The following CYP26C1 variants were observed in gnomAD, a reference collection of about 807,000 sequenced individuals.
The protein encoded by CYP26C1 is cytochrome P450 26C1.
A neutral mutation model predicts 39.1 loss-of-function variants in CYP26C1; 41 were observed. That is an observed-to-expected ratio of 1.05 (90% CI 0.82 to 1.36). The LOEUF is 1.36. CYP26C1 is among the 40% of genes most tolerant of loss of function. The pLI, the probability that CYP26C1 is intolerant of heterozygous loss-of-function variation, is 0.00. For synonymous variants in CYP26C1, 362 were observed against 350.8 expected, an observed-to-expected ratio of 1.03 and a Z score of -0.36; for missense variants, 833 against 752.0, an observed-to-expected ratio of 1.11 and a Z score of -1.26.
chr10:93,061,350 C>T lies in CYP26C1; in HGVS notation c.87C>T (p.Ala29=), dbSNP rs977077685. ...GCGCGGGCCTGCTGCTCAGCCTGGC[C>T]CAGCACCTCTGGACCCTCCGCTGGA... is the stretch of plus-strand genomic sequence containing the variant. The part of the protein sequence containing the change: ...LLCAGLLLSL[A]QHLWTLRWML... Residue 29 remains alanine, a synonymous_variant, in exon 1 of 6, where the codon GCC becomes GCT. Coordinates refer to ENST00000651965, the MANE Select transcript of CYP26C1 (RefSeq NM_183374.3). The T allele has an allele frequency of 1.3e-6, 2 of 1,585,868 alleles. No homozygotes were observed.
chr10:93,064,662 G>A (rs888263867), intron 4 of CYP26C1, 126 bp downstream of exon 4: 16 of 1,461,320 alleles, frequency 1.1e-5, no homozygotes, highest in East Asian at 4.9e-5. Flanking sequence ...TCCTCAAGAT[G>A]AGGGGCAAGA....
Position 93,068,750 on chromosome 10 carries a change from C to G in CYP26C1, c.*53C>G. On this transcript the variant is annotated 3_prime_UTR_variant, in exon 6 of 6. Coordinates refer to ENST00000651965, the MANE Select transcript of CYP26C1 (RefSeq NM_183374.3). The stretch of plus-strand genomic sequence containing the variant: ...GCCGGTGGCTATGGCGCGCACGCAG[C>G]GCCACCCATCTGCCGCTCCCCATTG... 6.9e-7 allele frequency: 1 copy of G among 1,459,744 alleles called. No individual in the cohort carries two copies. The highest frequency in any genetic ancestry group is 9.0e-7 in the Non-Finnish European group (1 of 1,107,432). 90.4% of individuals were successfully genotyped at this position (1,459,744 alleles called of 1,614,324 possible). A position where few individuals can be genotyped will look rare whatever the true frequency, so the allele number is the denominator to read the frequency against.
chr10:93,061,515 C>G, intron 1 of CYP26C1, 48 bp downstream of exon 1: 1 of 1,541,694 alleles, frequency 6.5e-7, no homozygotes, highest in Non-Finnish European at 8.8e-7. Context: ...CTTCTTCCCC[C>G]GGCTCCCACT....
intron 5 of CYP26C1, among the ~76,000 whole-genome samples, chr10:93,067,218 C>T (rs1007923347): frequency 2.6e-4 from 40 of 152,364 alleles, no homozygotes; most frequent in African/African-American, 8.7e-4. Flanking sequence ...CTGACAGCCT[C>T]ATCCCACTTG....
chr10:93,068,321 G>A lies in CYP26C1; in HGVS notation c.1193G>A (p.Gly398Asp), dbSNP rs751247402. ...RTALRTFELD[G>D]YQIPKGWSVM... ...GCTGATCTCCTCGCCTCTCTGCAGG[G>A]CTACCAGATCCCCAAGGGCTGGAGC... The change falls in exon 6 of 6, where the codon GGC becomes GAC. Residue 398 changes from glycine to aspartate, a missense_variant and splice_region_variant. Coordinates refer to ENST00000651965, the MANE Select transcript of CYP26C1 (RefSeq NM_183374.3). 9 of 1,513,742 alleles carry A rather than the reference G, an allele frequency of 5.9e-6. No homozygotes were observed. Among genetic ancestry groups the A allele is most frequent in the Non-Finnish European group, 7.9e-6 (9 of 1,132,436 alleles). 93.8% of individuals were successfully genotyped at this position (1,513,742 alleles called of 1,614,324 possible). A position where few individuals can be genotyped will look rare whatever the true frequency, so the allele number is the denominator to read the frequency against.
Position 93,064,469 on chromosome 10 carries a change from A to T in CYP26C1, c.794A>T (p.Asp265Val). 6.2e-7 allele frequency: 1 copy of T among 1,614,158 alleles called. No homozygotes were observed. The highest frequency in any genetic ancestry group is 8.5e-7 in the Non-Finnish European group (1 of 1,180,048). Residue 265 changes from aspartate to valine, a missense_variant, in exon 4 of 6, where the codon GAT (aspartate) becomes GTT (valine). Coordinates refer to ENST00000651965, the MANE Select transcript of CYP26C1 (RefSeq NM_183374.3). ...GAGGACAAGGCTGCAGAGCCGGGTG[A>T]TGCCCTCGACCTAATCATTCACAGT... ...LHEDKAAEPG[D>V]ALDLIIHSAR... is the part of the protein sequence containing the mutation.
At chr10:93,061,739 C>G (rs1177813719) in intron 1 of CYP26C1, among the ~76,000 whole-genome samples, 3 of 152,216 alleles carry the variant, frequency 2.0e-5, no homozygotes, top group African/African-American at 7.2e-5. Flanking sequence ...GGAGCACGTC[C>G]TGCAAGGGTA....
rs1271882497 is a variant in CYP26C1 at position 93,068,592 on chromosome 10, C to G, written c.1464C>G (p.Ala488=). ...RTARWELATP[A]FPAMQTVPIV... is the part of the protein sequence containing the mutation. ...CGCGCTGGGAACTGGCCACACCCGC[C>G]TTCCCCGCCATGCAGACGGTGCCCA... Residue 488 remains alanine, a synonymous_variant, in exon 6 of 6, where the codon GCC becomes GCG. Transcript: ENST00000651965. The G allele has an allele frequency of 6.3e-7, 1 of 1,596,842 alleles. No individual in the cohort carries two copies. Among genetic ancestry groups the G allele is most frequent in the Admixed American group, 1.7e-5 (1 of 57,166 alleles).
At chr10:93,063,070 G>T in intron 3 of CYP26C1, 75 bp downstream of exon 3, 1 of 1,480,870 alleles carries the variant, frequency 6.8e-7, no homozygotes, top group Non-Finnish European at 8.9e-7. Flanking sequence ...CAGACGGGAC[G>T]CCCTCGGCGC....
chr10:93,066,795 T>A (rs141367373), intron 5 of CYP26C1, among the ~76,000 whole-genome samples: 79 of 152,244 alleles, frequency 5.2e-4, no homozygotes, highest in Non-Finnish European at 2.8e-4. Flanking sequence ...GGTAGACGCT[T>A]CATCTCTGAT....
At position 93,068,309 on chromosome 10, in the gene CYP26C1, C is replaced by A. The variant is rs758084287; in HGVS notation, c.1192-11C>A. 4.7e-6 allele frequency: 7 copies of A among 1,498,668 alleles called. No individual in the cohort carries two copies. The highest frequency in any genetic ancestry group is 5.3e-6 in the Non-Finnish European group (6 of 1,124,612). 92.8% of individuals were successfully genotyped at this position (1,498,668 alleles called of 1,614,324 possible). A position where few individuals can be genotyped will look rare whatever the true frequency, so the allele number is the denominator to read the frequency against. On this transcript the variant is annotated splice_polypyrimidine_tract_variant and intron_variant, in intron 5 of 5. Transcript: ENST00000651965. ...CCTCGTGGTCAGGCTGATCTCCTCGCCTCTCTGCAGGGCTACCAGATCCCC... is the reference window on the plus strand; with the variant it reads ...CCTCGTGGTCAGGCTGATCTCCTCGACTCTCTGCAGGGCTACCAGATCCCC...
intron 5 of CYP26C1, 54 bp from the exon 6 acceptor site, chr10:93,068,266 C>G: frequency 6.8e-7 from 1 of 1,476,402 alleles, no homozygotes; most frequent in Non-Finnish European, 9.0e-7. Context: ...CAGTTCAGGG[C>G]CCCCCCGTTT....
In CYP26C1 at chr10:93,061,092, CGTCT is replaced by C. The variant is rs1846739774; in HGVS notation, c.-169_-166del. The C allele has an allele frequency of 1.5e-6, 1 of 663,680 alleles. No homozygotes were observed. Among genetic ancestry groups the C allele is most frequent in the Non-Finnish European group, 2.5e-6 (1 of 399,884 alleles). The allele number at this position is 663,680 out of a possible 1,614,324, so 41.1% of individuals were successfully genotyped here. A position where few individuals can be genotyped will look rare whatever the true frequency, so the allele number is the denominator to read the frequency against. ...ACGGTCACTGCAGTCTTTCACCGTC[CGTCT>C]GTTTTTAGAACAGAGTTCTGGCCTG... On this transcript the variant is annotated 5_prime_UTR_variant, in exon 1 of 6. Coordinates refer to ENST00000651965, the MANE Select transcript of CYP26C1 (RefSeq NM_183374.3).
intron 3 of CYP26C1, 94 bp from the exon 4 acceptor site, chr10:93,064,287 G>A: frequency 6.8e-7 from 1 of 1,477,018 alleles, no homozygotes. Context: ...AAGGATGTTG[G>A]CAGAGCCAGT....
chr10:93,067,030 T>C (rs963714117), intron 5 of CYP26C1, among the ~76,000 whole-genome samples: 1 of 152,254 alleles, frequency 6.6e-6, no homozygotes, highest in Non-Finnish European at 1.5e-5. Context: ...GGTGTTTGCC[T>C]GAAAGGCTGT....
At chr10:93,063,853 T>C in intron 3 of CYP26C1, 1 of 985,984 alleles carries the variant, frequency 1.0e-6, no homozygotes, top group Non-Finnish European at 1.2e-6. Context: ...TACAGTGCTT[T>C]CCCCGGGGGA....
At chr10:93,063,783 T>A in intron 3 of CYP26C1, 1 of 984,060 alleles carries the variant, frequency 1.0e-6, no homozygotes. Flanking sequence ...ACACCGTTAG[T>A]AGGGGCACGA....
At chr10:93,063,158 G>A (rs1233832121) in intron 3 of CYP26C1, 163 bp downstream of exon 3, 19 of 1,395,618 alleles carry the variant, frequency 1.4e-5, no homozygotes, top group Non-Finnish European at 3.7e-6. Context: ...TGGCGTGGCG[G>A]TGGGCTCTGG....
rs1846855057 is a variant in CYP26C1, at chr10:93,068,414, A to T, written c.1286A>T (p.Asp429Val). 1 of 1,611,834 alleles carries T rather than the reference A, an allele frequency of 6.2e-7. No homozygotes were observed. The highest frequency in any genetic ancestry group is 1.1e-5 in the South Asian group (1 of 90,914). Residue 429 changes from aspartate (D) to valine (V), a missense_variant, in exon 6 of 6, where the codon GAT (aspartate) becomes GTT (valine). Coordinates refer to ENST00000651965, the MANE Select transcript of CYP26C1 (RefSeq NM_183374.3). The part of the protein sequence containing the change: ...AVYRSPPEGF[D>V]PERFGAARED... ...TACCGCAGCCCTCCCGAAGGCTTCG[A>T]TCCAGAGCGCTTCGGCGCAGCGCGC... is the stretch of plus-strand genomic sequence containing the variant.
Sources: gnomAD v4.1 joint callset for allele counts (sites outside exome capture counted in the v4.1 genomes callset) on GRCh38, gnomAD v4.1.1 for gene constraint, MANE v1.5 for transcripts, NCBI Gene and HGNC (gene_info 2026-07-23, HGNC 2026-07-21) for gene names.